DICER1: variants seen among roughly 807,000 people sequenced by gnomAD.
The protein encoded by DICER1 is endoribonuclease Dicer.
In DICER1, 43 loss-of-function variants were observed where a neutral mutation model predicts 194.1. That is an observed-to-expected ratio of 0.22 (90% CI 0.17 to 0.29). The LOEUF (loss-of-function observed/expected upper bound fraction) is 0.29. Ranked by LOEUF, DICER1 falls within the 10% of genes least tolerant of loss-of-function variation. The pLI, the probability that DICER1 is intolerant of heterozygous loss-of-function variation, is 1.00. For missense variants in DICER1, 1,608 were observed against 2,317.0 expected, an observed-to-expected ratio of 0.69 and a Z score of 6.28; for synonymous variants, 832 against 820.5, an observed-to-expected ratio of 1.01 and a Z score of -0.24.
chr14:95,091,108 T>C lies in DICER1; in HGVS notation c.5529A>G (p.Glu1843=), dbSNP rs768311617. ...VYYPMMRPLI[E]KFSANVPRSP... The stretch of plus-strand genomic sequence containing the variant: ...AACGGGGTACATTTGCAGAAAACTT[T>C]TCTGCAATCAAAATGAAAGAATAAT... The change falls in exon 26 of 27, where the codon GAA becomes GAG. Residue 1843 remains glutamate (E), a splice_region_variant and synonymous_variant. Transcript: ENST00000343455. 1.7e-5 allele frequency: 28 copies of C among 1,614,028 alleles called. No individual in the cohort carries two copies. The highest frequency in any genetic ancestry group is 2.3e-5 in the Non-Finnish European group (27 of 1,180,018).
rs1555367505 is a variant in DICER1 at position 95,095,879 on chromosome 14, C to A, written c.5041G>T (p.Ala1681Ser). 4 of 1,613,992 alleles carry A rather than the reference C, an allele frequency of 2.5e-6. No individual in the cohort carries two copies. The highest frequency in any genetic ancestry group is 3.4e-6 in the Non-Finnish European group (4 of 1,180,002). The change falls in exon 23 of 27, where the codon GCT becomes TCT. Residue 1681 changes from alanine to serine, a missense_variant. Physicochemically the swap from Ala to Ser is moderately conservative, Grantham distance 99 (BLOSUM62 1). This residue lies in a region of DICER1 where 125 missense variants were observed against 134.9 expected (regional missense o/e 0.93). Transcript: ENST00000343455. ...TGTGTAAAAGCCTGGAGAAGGTAAG[C>A]CTTATTCTTGAATCTGTAGTTGATT... Reference protein sequence around the residue: ...KKINYRFKNKAYLLQAFTHAS... With the variant: ...KKINYRFKNKSYLLQAFTHAS...
chr14:95,117,554 C>T (rs1213926271), intron 9 of DICER1, 68 bp downstream of exon 9: 2 of 1,524,598 alleles, frequency 1.3e-6, no homozygotes, highest in African/African-American at 1.4e-5. Context: ...AAAAGGGAGA[C>T]CCTATGGGCA....
At chr14:95,122,561 T>C (rs543463197) in intron 8 of DICER1, among the ~76,000 whole-genome samples, 1 of 152,008 alleles carries the variant, frequency 6.6e-6, no homozygotes, top group African/African-American at 2.4e-5. Flanking sequence ...GGCATTACTA[T>C]GATAGAAAGA....
intron 1 of DICER1, among the ~76,000 whole-genome samples, chr14:95,143,517 G>A (rs935640934): frequency 2.0e-4 from 30 of 152,068 alleles, no homozygotes; most frequent in African/African-American, 7.2e-4. Flanking sequence ...GGTTTCCTAG[G>A]AGGAGATGGG....
At chr14:95,135,183 C>CA (rs1894265931) in intron 1 of DICER1, among the ~76,000 whole-genome samples, 2 of 152,178 alleles carry the variant, frequency 1.3e-5, no homozygotes, top group Non-Finnish European at 2.9e-5. Context: ...GTGATACCTC[C>CA]ACAATTCTCC....
chr14:95,113,567 AAG>A (rs1405143784), intron 11 of DICER1, among the ~76,000 whole-genome samples: 2 of 152,236 alleles, frequency 1.3e-5, no homozygotes, highest in Non-Finnish European at 2.9e-5. Flanking sequence ...ATAGAGCACA[AAG>A]TATTGTTCAG....
intron 22 of DICER1, among the ~76,000 whole-genome samples, chr14:95,097,619 G>GT (rs548371304): frequency 1.1e-3 from 170 of 151,952 alleles, no homozygotes; most frequent in African/African-American, 3.9e-3. Context: ...TGTTATGCAA[G>GT]TTTTTAAAAA....
chr14:95,111,459 A>C lies in DICER1; in HGVS notation c.2117-3T>G. ...CATCAAATGGTCATCCAGTTCGCCT[A>C]ACAAATTTAAAGAGAGAATTAACAC... On this transcript the variant is annotated splice_region_variant and splice_polypyrimidine_tract_variant and intron_variant, in intron 13 of 26. Coordinates refer to ENST00000343455, the MANE Select transcript of DICER1 (RefSeq NM_177438.3). 6.2e-7 allele frequency: 1 copy of C among 1,614,072 alleles called. No individual in the cohort carries two copies. Among genetic ancestry groups the C allele is most frequent in the Non-Finnish European group, 8.5e-7 (1 of 1,179,936 alleles).
intron 8 of DICER1, among the ~76,000 whole-genome samples, chr14:95,120,194 C>T (rs1367851448): frequency 6.6e-6 from 1 of 152,188 alleles, no homozygotes; most frequent in Admixed American, 6.5e-5. Context: ...ATCCCTTACT[C>T]CTTACATTTT....
Position 95,090,651 on chromosome 14 carries a change from T to C in DICER1, c.5616A>G (p.Arg1872=), listed in dbSNP as rs775071357. The change falls in exon 27 of 27, where the codon AGA becomes AGG. Residue 1872 remains arginine (R), a synonymous_variant. Transcript: ENST00000343455. ...TGACTCTGACCTTCCCGTCGTAAGT[T>C]CTCTCAGCCGGGCTGTAAAAAATCC... ...PETAKFSPAE[R]TYDGKVRVTV... 1.2e-6 allele frequency: 2 copies of C among 1,614,108 alleles called. No homozygotes were observed. The highest frequency in any genetic ancestry group is 1.7e-6 in the Non-Finnish European group (2 of 1,180,002).
intron 1 of DICER1, among the ~76,000 whole-genome samples, chr14:95,148,281 T>G (rs1489770781): frequency 6.6e-6 from 1 of 152,054 alleles, no homozygotes; most frequent in East Asian, 1.9e-4. Context: ...GGTTGGAGGG[T>G]GGGTCTGAGT....
intron 24 of DICER1, 144 bp from the exon 25 acceptor site, chr14:95,091,509 T>A (rs777566989): frequency 2.4e-5 from 18 of 749,960 alleles, no homozygotes; most frequent in Non-Finnish European, 3.4e-5. Context: ...CCTACTATAT[T>A]GTAATAGTAA....
intron 1 of DICER1, among the ~76,000 whole-genome samples, chr14:95,140,269 T>G (rs1894743375): frequency 1.3e-5 from 2 of 152,200 alleles, no homozygotes; most frequent in Admixed American, 1.3e-4. Context: ...AACAATGTTT[T>G]AGAGACTGAC....
At chr14:95,091,138 A>G (rs1472989235) in intron 25 of DICER1, 29 bp from the exon 26 acceptor site, 1 of 1,613,860 alleles carries the variant, frequency 6.2e-7, no homozygotes, top group Non-Finnish European at 8.5e-7. Flanking sequence ...AATAATATGA[A>G]TAATATCTCT....
At chr14:95,120,884 A>G (rs1293430800) in intron 8 of DICER1, among the ~76,000 whole-genome samples, 1 of 152,200 alleles carries the variant, frequency 6.6e-6, no homozygotes, top group Non-Finnish European at 1.5e-5. Context: ...ATCCCTCCCT[A>G]CCAGGGTGGG....
rs1261730176 is a variant in DICER1 at position 95,086,616 on chromosome 14, T to C, written c.*3882A>G. On this transcript the variant is annotated 3_prime_UTR_variant, in exon 27 of 27. Coordinates refer to ENST00000343455, the MANE Select transcript of DICER1 (RefSeq NM_177438.3). ...AAATGGACTAGAAAAAAAGAAGTAA[T>C]GATTAAAATATATTTACAAGTTAGT... The C allele has an allele frequency of 8.6e-6, 2 of 233,194 alleles. No individual in the cohort carries two copies. Among genetic ancestry groups the C allele is most frequent in the Non-Finnish European group, 1.7e-5 (2 of 117,878 alleles). 14.4% of individuals were successfully genotyped at this position (233,194 alleles called of 1,614,324 possible).
At position 95,132,328 on chromosome 14, in the gene DICER1, G is replaced by C. The variant is rs4905282; in HGVS notation, c.307+187C>G. ...CAATCCATTCAAAAGAAATACAGAA[G>C]CAGAACATTTAAGAGAAACAGCAAA... On this transcript the variant is annotated intron_variant, in intron 3 of 26. Coordinates refer to ENST00000343455, the MANE Select transcript of DICER1 (RefSeq NM_177438.3). Among the ~76,000 whole-genome samples, 138,496 of 152,288 alleles carry C rather than the reference G, an allele frequency of 0.91. 63,357 individuals are homozygous for C. The highest frequency in any genetic ancestry group is 0.97 in the African/African-American group (40,423 of 41,574).
chr14:95,106,013 T>A (rs1387581170), intron 18 of DICER1, 28 bp downstream of exon 18: 2 of 1,611,744 alleles, frequency 1.2e-6, no homozygotes, highest in Non-Finnish European at 1.7e-6. Context: ...TCAAGTGCAA[T>A]CCAAGTGTCA....
At chr14:95,145,292 A>G (rs1359599107) in intron 1 of DICER1, among the ~76,000 whole-genome samples, 2 of 152,242 alleles carry the variant, frequency 1.3e-5, no homozygotes, top group African/African-American at 4.8e-5. Context: ...CAAGCTAGCC[A>G]TTATGCATTT....
Sources: gnomAD v4.1 joint callset for allele counts (sites outside exome capture counted in the v4.1 genomes callset) on GRCh38, gnomAD v4.1.1 for gene constraint, gnomAD v4.1.1 regional missense constraint, MANE v1.5 for transcripts, NCBI Gene and HGNC (gene_info 2026-07-23, HGNC 2026-07-21) for gene names.